Variants in RBM10 observed in about 807,000 individuals in gnomAD.
RBM10 encodes the protein RNA-binding protein 10.
A neutral mutation model predicts 84.9 loss-of-function variants in RBM10; 1 was observed. The observed-to-expected ratio is 0.01, with a 90% CI of 0.00 to 0.06. The LOEUF (loss-of-function observed/expected upper bound fraction) is 0.06, where lower values mean the gene tolerates loss of function less well. Among genes scored for constraint, RBM10 ranks in the 10% least tolerant of loss-of-function variants. The pLI is 1.00. For synonymous variants in RBM10, 326 were observed against 344.5 expected (o/e 0.95, Z 0.60); for missense variants, 438 against 839.0 (o/e 0.52, Z 5.90).
At chrX:47,166,302 G>T (rs1427428956) in intron 2 of RBM10, among the ~76,000 whole-genome samples, 1 of 110,189 alleles carries the variant, frequency 9.1e-6, no homozygotes, top group African/African-American at 3.3e-5. Context: ...AGCTGGTTGG[G>T]GCTGAGATGG....
At chrX:47,149,846 G>A (rs1467213459) in intron 2 of RBM10, among the ~76,000 whole-genome samples, 6 of 96,116 alleles carry the variant, frequency 6.2e-5, no homozygotes, top group African/African-American at 2.3e-4. Context: ...TTGAGACGGA[G>A]TTTCGCTCTT....
chrX:47,180,723 G>A (rs782340571), intron 12 of RBM10, among the ~76,000 whole-genome samples: 2 of 111,670 alleles, frequency 1.8e-5, no homozygotes, highest in South Asian at 3.7e-4. Flanking sequence ...TGCCTCCCAT[G>A]CGCTCATGTA....
At chrX:47,155,018 G>A (rs1030792905) in intron 2 of RBM10, among the ~76,000 whole-genome samples, 1 of 107,176 alleles carries the variant, frequency 9.3e-6, no homozygotes, top group Non-Finnish European at 1.9e-5. Flanking sequence ...GTGGTGGCAG[G>A]CACCTGTAAT....
rs782688935 is a variant in RBM10, at chrX:47,152,441, C to CTTTT, written c.17+4965_17+4968dup. Among the ~76,000 whole-genome samples the CTTTT allele has an allele frequency of 1.5e-3, 98 of 65,238 alleles. 2 individuals carry two copies. The highest frequency in any genetic ancestry group is 4.7e-3 in the African/African-American group (65 of 13,897). 56.7% of individuals were successfully genotyped at this position (65,238 alleles called of 115,157 possible). A position where few individuals can be genotyped will look rare whatever the true frequency, so the allele number is the denominator to read the frequency against. On this transcript the variant is annotated intron_variant, in intron 2 of 23. Transcript: ENST00000377604. Reference sequence around the variant, plus strand: ...CCACATTTGCTCTATCACTCTATATCTTTTTTTTTTTTTTTTTTTTTTTTT... The same window carrying CTTTT: ...CCACATTTGCTCTATCACTCTATATCTTTTTTTTTTTTTTTTTTTTTTTTTTTTT...
intron 2 of RBM10, among the ~76,000 whole-genome samples, chrX:47,155,438 G>T (rs1169092337): frequency 9.1e-6 from 1 of 110,443 alleles, no homozygotes; most frequent in African/African-American, 3.3e-5. Flanking sequence ...AAAGTTTAAA[G>T]AATTTTACAA....
In RBM10 at chrX:47,169,402, C is replaced by T. The variant is rs1556770766; in HGVS notation, c.105C>T (p.Asp35=). ...GGGAGAACCGCAGCCGAGACCACGA[C>T]TACCGGGACATGGACTACCGTTCAT... ...DGGENRSRDH[D]YRDMDYRSYP... is the part of the protein sequence containing the mutation. Residue 35 remains aspartate (D), a synonymous_variant, in exon 3 of 24, where the codon GAC becomes GAT. Coordinates refer to ENST00000377604, the MANE Select transcript of RBM10 (RefSeq NM_005676.5). 1 of 1,211,988 alleles carries T rather than the reference C, an allele frequency of 8.3e-7. No homozygotes were observed. Among genetic ancestry groups the T allele is most frequent in the East Asian group, 3.0e-5 (1 of 33,824 alleles).
intron 6 of RBM10, 123 bp from the exon 7 acceptor site, chrX:47,176,377 C>T: frequency 8.8e-7 from 1 of 1,133,235 alleles, no homozygotes; most frequent in African/African-American, 1.8e-5. Flanking sequence ...GCTCTCCGAC[C>T]TCCCTCCGTT....
intron 12 of RBM10, 58 bp from the exon 13 acceptor site, chrX:47,181,157 C>CA: frequency 1.2e-5 from 1 of 83,261 alleles, no homozygotes; most frequent in Non-Finnish European, 2.2e-5. Context: ...TAGCAGGTTC[C>CA]CCACCCCCCA....
intron 17 of RBM10, 134 bp downstream of exon 17, chrX:47,182,460 A>G: frequency 2.1e-6 from 2 of 943,677 alleles, no homozygotes; most frequent in Non-Finnish European, 3.0e-6. Context: ...TGCTTAGCAG[A>G]CCATGCTCTT....
chrX:47,161,536 TGA>T (rs376441587), intron 2 of RBM10, among the ~76,000 whole-genome samples: 143 of 62,135 alleles, frequency 2.3e-3, no homozygotes, highest in African/African-American at 6.2e-3. Context: ...TTTTTTTTAG[TGA>T]GAGAGAGAGA....
Position 47,163,890 on chromosome X carries a change from A to G in RBM10, c.18-5425A>G, listed in dbSNP as rs868910256. ...TTTTTTTTTTTTTTTTTTTTTTGAG[A>G]CGGAGTCTCACTCTGTCGCCCAGGC... is the stretch of plus-strand genomic sequence containing the variant. On this transcript the variant is annotated intron_variant, in intron 2 of 23. Coordinates refer to ENST00000377604, the MANE Select transcript of RBM10 (RefSeq NM_005676.5). 6.3e-3 allele frequency among the ~76,000 whole-genome samples: 240 copies of G among 38,096 alleles called. No individual in the cohort carries two copies. In the Middle Eastern group the frequency reaches 0.12, roughly 20 times the overall value. 33.1% of individuals were successfully genotyped at this position (38,096 alleles called of 115,157 possible).
In RBM10 at chrX:47,185,521, G is replaced by A. The variant is rs1556781883; in HGVS notation, c.2246G>A (p.Arg749Gln). Residue 749 changes from arginine (R) to glutamine (Q), a missense_variant, in exon 20 of 24, where the codon CGG becomes CAG. By Grantham distance (43) the Arg-to-Gln change is conservative. Coordinates refer to ENST00000377604, the MANE Select transcript of RBM10 (RefSeq NM_005676.5). ...EEEQERGGPE[R>Q]EEKLTDWQKL... ...GAGCAGGAGCGTGGGGGCCCTGAGC[G>A]GGAGGAGAAGCTCACCGACTGGCAG... The A allele has an allele frequency of 3.4e-6, 4 of 1,181,398 alleles. No individual in the cohort carries two copies. Among genetic ancestry groups the A allele is most frequent in the South Asian group, 1.9e-5 (1 of 53,724 alleles).
chrX:47,174,921 G>GC lies in RBM10; in HGVS notation c.503-92dup, dbSNP rs199930442. 1.7e-3 allele frequency: 961 copies of GC among 554,611 alleles called. 5 individuals carry two copies. In the East Asian group the frequency reaches 0.024, roughly 14 times the overall value. 45.7% of individuals were successfully genotyped at this position (554,611 alleles called of 1,213,427 possible). ...TTTTCCTCTTCCCCTTTCCCTCTCT[G>GC]CCCCCCGTCCTCTCCCCTCGGGTCC... On this transcript the variant is annotated intron_variant, in intron 5 of 23. Coordinates refer to ENST00000377604, the MANE Select transcript of RBM10 (RefSeq NM_005676.5).
chrX:47,160,569 A>G (rs1460227376), intron 2 of RBM10, among the ~76,000 whole-genome samples: 2 of 107,974 alleles, frequency 1.9e-5, no homozygotes, highest in African/African-American at 3.4e-5. Flanking sequence ...TGCCAGTCAG[A>G]TGGCAATTAT....
chrX:47,162,083 C>T (rs1348671479), intron 2 of RBM10, among the ~76,000 whole-genome samples: 4 of 112,216 alleles, frequency 3.6e-5, no homozygotes, highest in African/African-American at 9.7e-5. Flanking sequence ...TCTCGTGATC[C>T]GCCTGCCTTG....
Position 47,163,849 on chromosome X carries a change from C to T in RBM10, c.18-5466C>T, listed in dbSNP as rs58044827. Among the ~76,000 whole-genome samples, 183 of 99,767 alleles carry T rather than the reference C, an allele frequency of 1.8e-3. 2 individuals carry two copies. The highest frequency in any genetic ancestry group is 6.4e-3 in the African/African-American group (172 of 26,677). 86.6% of individuals were successfully genotyped at this position (99,767 alleles called of 115,157 possible). ...CTGGGACTACAGGCGCCTGCCACCA[C>T]GCCTGGCTAATTTTTTTTTTTTTTT... On this transcript the variant is annotated intron_variant, in intron 2 of 23. Coordinates refer to ENST00000377604, the MANE Select transcript of RBM10 (RefSeq NM_005676.5).
chrX:47,173,101 T>C (rs782087937), intron 4 of RBM10, 27 bp from the exon 5 acceptor site: 2 of 1,212,109 alleles, frequency 1.7e-6, no homozygotes, highest in Admixed American at 2.2e-5. Flanking sequence ...GTGCTGAGCC[T>C]GCCCTACTCT....
intron 2 of RBM10, among the ~76,000 whole-genome samples, chrX:47,168,029 C>T (rs1556769871): frequency 8.9e-6 from 1 of 112,101 alleles, no homozygotes; most frequent in African/African-American, 3.2e-5. Flanking sequence ...TAATGTTGTT[C>T]CCGACCAGAA....
At chrX:47,156,167 G>A (rs1362024034) in intron 2 of RBM10, among the ~76,000 whole-genome samples, 7 of 110,432 alleles carry the variant, frequency 6.3e-5, no homozygotes, top group Admixed American at 5.9e-4. Context: ...TTACTTCTAA[G>A]TTTCTCGTAT....
Sources: gnomAD v4.1 joint callset for allele counts (sites outside exome capture counted in the v4.1 genomes callset) on GRCh38, gnomAD v4.1.1 for gene constraint, MANE v1.5 for transcripts, NCBI Gene and HGNC (gene_info 2026-07-23, HGNC 2026-07-21) for gene names.